The following MINDY4 variants were observed in gnomAD, a reference collection of about 807,000 sequenced individuals.
MINDY4 encodes the protein probable ubiquitin carboxyl-terminal hydrolase MINDY-4.
Under a neutral mutation model 87.0 loss-of-function variants are expected in MINDY4, and 68 were observed. That is an observed-to-expected ratio of 0.78 (90% CI 0.64 to 0.96). The LOEUF (loss-of-function observed/expected upper bound fraction) is 0.96. Ranked by LOEUF, MINDY4 falls within the 40% of genes least tolerant of loss-of-function variation. MINDY4 has a pLI of 0.00. For missense variants in MINDY4, 919 were observed against 928.2 expected (o/e 0.99, Z 0.13); for synonymous variants, 379 against 363.2 (o/e 1.04, Z -0.50).
intron 8 of MINDY4, among the ~76,000 whole-genome samples, chr7:30,840,195 C>T (rs1455052606): frequency 6.6e-6 from 1 of 152,184 alleles, no homozygotes; most frequent in Non-Finnish European, 1.5e-5. Flanking sequence ...CCCGTGATGC[C>T]TACAGAGATG....
intron 5 of MINDY4, among the ~76,000 whole-genome samples, chr7:30,808,373 G>A (rs1186462020): frequency 6.6e-6 from 1 of 152,070 alleles, no homozygotes; most frequent in Non-Finnish European, 1.5e-5. Context: ...TGATACTTTG[G>A]TTTTGGTTTT....
intron 13 of MINDY4, among the ~76,000 whole-genome samples, chr7:30,866,251 A>C (rs541623222): frequency 1.3e-5 from 2 of 152,282 alleles, no homozygotes; most frequent in African/African-American, 2.4e-5. Flanking sequence ...GGGACCTTAC[A>C]TGTTCATGCA....
chr7:30,885,715 C>A (rs902074707), intron 17 of MINDY4, among the ~76,000 whole-genome samples: 2 of 150,936 alleles, frequency 1.3e-5, no homozygotes, highest in African/African-American at 4.9e-5. Context: ...CACCCCCCCC[C>A]CAACCCTGCT....
chr7:30,832,022 C>G (rs1584289196), intron 6 of MINDY4, among the ~76,000 whole-genome samples: 1 of 152,212 alleles, frequency 6.6e-6, no homozygotes, highest in Admixed American at 6.5e-5. Context: ...GGCATTCCCA[C>G]CACGTCTGGG....
chr7:30,782,176 G>C lies in MINDY4; in HGVS notation c.383G>C (p.Gly128Ala), dbSNP rs1317386772. 1.9e-6 allele frequency: 3 copies of C among 1,613,662 alleles called. No individual in the cohort carries two copies. The South Asian group carries it at 3.3e-5, about 18-fold the overall frequency. ...TATGACCTTTCAGATGAAGATGCAG[G>C]ATGGAGAACATCATTGTCAGAAACA... ...NIYDLSDEDA[G>A]WRTSLSETSK... Residue 128 changes from glycine to alanine, a missense_variant, in exon 3 of 18, where the codon GGA (glycine) becomes GCA (alanine). Gly to Ala is a moderately conservative substitution (Grantham distance 60). Transcript: ENST00000265299.
chr7:30,840,869 G>A, intron 9 of MINDY4, 21 bp downstream of exon 9: 1 of 1,602,744 alleles, frequency 6.2e-7, no homozygotes, highest in Non-Finnish European at 8.5e-7. Context: ...GCTCTTTCTG[G>A]CAATATCTTA....
intron 12 of MINDY4, among the ~76,000 whole-genome samples, chr7:30,857,455 C>T (rs1198390339): frequency 1.2e-4 from 14 of 112,950 alleles, no homozygotes; most frequent in Admixed American, 3.0e-4. Context: ...GATCCATATC[C>T]ACCTTGTTTT....
intron 5 of MINDY4, among the ~76,000 whole-genome samples, chr7:30,806,710 G>A (rs1247607633): frequency 6.6e-6 from 1 of 152,272 alleles, no homozygotes; most frequent in Non-Finnish European, 1.5e-5. Context: ...GAATGAATTT[G>A]CCTGCCTTGA....
chr7:30,811,840 G>T (rs1788010079), intron 5 of MINDY4, among the ~76,000 whole-genome samples: 1 of 152,150 alleles, frequency 6.6e-6, no homozygotes, highest in Admixed American at 6.5e-5. Context: ...AGAGTTGTGA[G>T]CCCTTAAAAG....
At chr7:30,857,866 A>G (rs1789625525) in intron 12 of MINDY4, 1 of 152,260 alleles carries the variant, frequency 6.6e-6, no homozygotes, top group South Asian at 2.1e-4. Flanking sequence ...GGATGACAAT[A>G]AAGAGTATAT....
intron 17 of MINDY4, among the ~76,000 whole-genome samples, chr7:30,886,180 A>C (rs1437627097): frequency 6.6e-6 from 1 of 152,188 alleles, no homozygotes. Flanking sequence ...CATCTTGTCC[A>C]TCTTGCTCGG....
In MINDY4 at chr7:30,784,626, G is replaced by C. The variant is rs138109310; in HGVS notation, c.420-1123G>C. ...ATACAAGCCCCGGCTGCTCCCCTGA[G>C]CACATTCTGCCTTAGAGGCCTGCGT... is the stretch of plus-strand genomic sequence containing the variant. On this transcript the variant is annotated intron_variant, in intron 3 of 17. Transcript: ENST00000265299. 1.1e-4 allele frequency among the ~76,000 whole-genome samples: 16 copies of C among 152,350 alleles called. No homozygotes were observed. The East Asian group carries it at 3.1e-3, about 29-fold the overall frequency.
intron 5 of MINDY4, among the ~76,000 whole-genome samples, chr7:30,805,019 C>T (rs1230718570): frequency 6.6e-6 from 1 of 152,202 alleles, no homozygotes; most frequent in African/African-American, 2.4e-5. Context: ...AAGAGCCAGA[C>T]CTTCTTCTCT....
intron 5 of MINDY4, among the ~76,000 whole-genome samples, chr7:30,814,602 T>A (rs1788095816): frequency 6.6e-6 from 1 of 152,204 alleles, no homozygotes; most frequent in South Asian, 2.1e-4. Flanking sequence ...TAGCAAGTGC[T>A]AGGAAAAGTA....
At chr7:30,789,214 T>C (rs981583829) in intron 4 of MINDY4, among the ~76,000 whole-genome samples, 1 of 152,336 alleles carries the variant, frequency 6.6e-6, no homozygotes, top group African/African-American at 2.4e-5. Context: ...CATGACGTCC[T>C]GATCATCAAG....
Position 30,841,648 on chromosome 7 carries a change from T to A in MINDY4, c.1445+800T>A, listed in dbSNP as rs528630619. 2.2e-4 allele frequency among the ~76,000 whole-genome samples: 34 copies of A among 152,106 alleles called. 1 individual carries two copies. Among genetic ancestry groups the A allele is most frequent in the Non-Finnish European group, 4.4e-4 (30 of 67,978 alleles). ...ATTGGCCTTTTTTAAAAAAAAAAAA[T>A]TTAGTTAAAATATAACATATACACA... On this transcript the variant is annotated intron_variant, in intron 9 of 17. Coordinates refer to ENST00000265299, the MANE Select transcript of MINDY4 (RefSeq NM_032222.3).
chr7:30,860,595 CAAT>C (rs1280971444), intron 13 of MINDY4, among the ~76,000 whole-genome samples: 6 of 152,018 alleles, frequency 3.9e-5, no homozygotes, highest in Non-Finnish European at 8.8e-5. Context: ...GGGCCAGGCT[CAAT>C]GATGCCAGTC....
At chr7:30,814,763 T>G (rs532821560) in intron 5 of MINDY4, among the ~76,000 whole-genome samples, 10 of 152,160 alleles carry the variant, frequency 6.6e-5, no homozygotes, top group Non-Finnish European at 1.5e-4. Context: ...GCTCCAAAAA[T>G]AAGTGTTATT....
intron 15 of MINDY4, among the ~76,000 whole-genome samples, chr7:30,877,035 C>T (rs1454544521): frequency 6.6e-6 from 1 of 152,098 alleles, no homozygotes; most frequent in African/African-American, 2.4e-5. Flanking sequence ...TGGATGATAC[C>T]CCCAGCATGC....
Sources: allele counts gnomAD v4.1 joint callset (sites outside exome capture counted in the v4.1 genomes callset), GRCh38; gene constraint gnomAD v4.1.1; transcripts MANE v1.5; gene names NCBI Gene and HGNC (gene_info 2026-07-23, HGNC 2026-07-21).